IFNLR1: variants seen among roughly 807,000 people sequenced by gnomAD.
IFNLR1 encodes interferon lambda receptor 1.
Under a neutral mutation model 52.5 loss-of-function variants are expected in IFNLR1, and 28 were observed. The observed-to-expected ratio is 0.53, with a 90% confidence interval of 0.40 to 0.73. The LOEUF (loss-of-function observed/expected upper bound fraction) is 0.73. Among genes scored for constraint, IFNLR1 ranks in the 30% least tolerant of loss-of-function variants. The probability of loss-of-function intolerance (pLI) is 0.00; values close to 1 mark genes in which losing one functional copy is unlikely to be tolerated. For missense variants in IFNLR1, 623 were observed against 659.1 expected (o/e 0.95, Z 0.60); for synonymous variants, 276 against 274.9 (o/e 1.00, Z -0.04).
chr1:24,166,710 C>A (rs1042441392), intron 3 of IFNLR1, among the ~76,000 whole-genome samples: 6 of 147,004 alleles, frequency 4.1e-5, no homozygotes, highest in Admixed American at 6.9e-5. Flanking sequence ...CCGTACCCAG[C>A]GAATTTAATT....
intron 2 of IFNLR1, among the ~76,000 whole-genome samples, chr1:24,173,015 A>C (rs568895809): frequency 3.0e-4 from 46 of 152,084 alleles, no homozygotes; most frequent in Non-Finnish European, 5.7e-4. Flanking sequence ...CTCATCTCCA[A>C]ATAGTCACTT....
intron 3 of IFNLR1, among the ~76,000 whole-genome samples, chr1:24,162,866 T>TC (rs1246679590): frequency 9.5e-5 from 8 of 84,508 alleles, no homozygotes; most frequent in South Asian, 9.3e-4. Flanking sequence ...TTTCTTTCTT[T>TC]CTTTCTTTCT....
At chr1:24,185,722 T>A (rs999050125) in intron 1 of IFNLR1, among the ~76,000 whole-genome samples, 6 of 152,170 alleles carry the variant, frequency 3.9e-5, no homozygotes, top group Non-Finnish European at 5.9e-5. Flanking sequence ...TTGTAAGGTA[T>A]CCTATGGGCA....
At chr1:24,161,172 G>A (rs1392566684) in intron 4 of IFNLR1, among the ~76,000 whole-genome samples, 2 of 152,118 alleles carry the variant, frequency 1.3e-5, no homozygotes, top group African/African-American at 4.8e-5. Flanking sequence ...GGCCTTCTTC[G>A]GGAAAGTCTG....
At chr1:24,164,975 CT>C (rs1238070101) in intron 3 of IFNLR1, among the ~76,000 whole-genome samples, 1 of 152,114 alleles carries the variant, frequency 6.6e-6, no homozygotes, top group Non-Finnish European at 1.5e-5. Context: ...ATTGGCCAGG[CT>C]GGTCTCAAAC....
intron 3 of IFNLR1, among the ~76,000 whole-genome samples, chr1:24,167,016 G>C (rs557492729): frequency 1.3e-5 from 2 of 152,318 alleles, no homozygotes; most frequent in East Asian, 3.9e-4. Context: ...GTGATGATCT[G>C]TCCTCACCAG....
chr1:24,178,591 C>A (rs533885254), intron 2 of IFNLR1, among the ~76,000 whole-genome samples: 1 of 152,146 alleles, frequency 6.6e-6, no homozygotes, highest in Non-Finnish European at 1.5e-5. Flanking sequence ...TGATGAGACT[C>A]CCACTGGACA....
chr1:24,186,487 C>G (rs1192931555), intron 1 of IFNLR1, among the ~76,000 whole-genome samples: 2 of 152,034 alleles, frequency 1.3e-5, no homozygotes, highest in African/African-American at 4.8e-5. Context: ...TGGATTATGC[C>G]CAGGGACCTT....
At chr1:24,184,298 C>T (rs2148604995) in intron 1 of IFNLR1, among the ~76,000 whole-genome samples, 1 of 152,344 alleles carries the variant, frequency 6.6e-6, no homozygotes, top group East Asian at 1.9e-4. Flanking sequence ...CTTTCCCTGA[C>T]TCCCTTTAAC....
chr1:24,157,579 C>A lies in IFNLR1; in HGVS notation c.1114G>T (p.Ala372Ser), dbSNP rs1395183373. 3 of 1,611,414 alleles carry A rather than the reference C, an allele frequency of 1.9e-6. No homozygotes were observed. Among genetic ancestry groups the A allele is most frequent in the East Asian group, 2.2e-5 (1 of 44,858 alleles). The change falls in exon 7 of 7, where the codon GCT becomes TCT. Residue 372 changes from alanine to serine, a missense_variant. Ala to Ser is a moderately conservative substitution (Grantham distance 99). Transcript: ENST00000327535. This position sits in a 1 kb window ranked among gnomAD's most constrained non-coding sequence, Gnocchi z 5.1. Reference protein sequence around the residue: ...AGGVDSGRPRAPLVPSEGSSA... With the variant: ...AGGVDSGRPRSPLVPSEGSSA... ...GAGCCTTCGCTTGGGACCAGAGGAG[C>A]CCTGGGCCTCCCTGAGTCCACCCCA...
In IFNLR1 at chr1:24,156,819, C is replaced by T. The variant is rs989816843; in HGVS notation, c.*311G>A. The T allele has an allele frequency of 2.3e-5, 9 of 385,262 alleles. No individual in the cohort carries two copies. Among genetic ancestry groups the T allele is most frequent in the Admixed American group, 1.3e-4 (3 of 23,096 alleles). The allele number at this position is 385,262 out of a possible 1,614,324, so 23.9% of individuals were successfully genotyped here. The stretch of plus-strand genomic sequence containing the variant: ...CTGACCTCACCTGTTTCATGTTGTC[C>T]GGGGATAATTTTTCCCCCTGGCCTG... On this transcript the variant is annotated 3_prime_UTR_variant, in exon 7 of 7. Coordinates refer to ENST00000327535, the MANE Select transcript of IFNLR1 (RefSeq NM_170743.4).
chr1:24,158,602 G>A (rs1440792775), intron 6 of IFNLR1, among the ~76,000 whole-genome samples: 2 of 152,232 alleles, frequency 1.3e-5, no homozygotes, highest in South Asian at 4.1e-4. Flanking sequence ...GCCCCAGCTC[G>A]CCCCTAGGTT....
In IFNLR1 at chr1:24,157,406, T is replaced by C; in HGVS notation, c.1287A>G (p.Glu429=). The stretch of plus-strand genomic sequence containing the variant: ...CCAGGAAACCCGAGTCCTTGGAGAA[T>C]TCAGGTGGTGGGAGAGATTCTTGGT... The part of the protein sequence containing the change: ...DGHQESLPPP[E]FSKDSGFLEE... Residue 429 remains glutamate (E), a synonymous_variant, in exon 7 of 7, where the codon GAA becomes GAG. Coordinates refer to ENST00000327535, the MANE Select transcript of IFNLR1 (RefSeq NM_170743.4). This position sits in a 1 kb window ranked among gnomAD's most constrained non-coding sequence, Gnocchi z 5.1. 1.2e-6 allele frequency: 2 copies of C among 1,614,112 alleles called. No homozygotes were observed. Among genetic ancestry groups the C allele is most frequent in the Non-Finnish European group, 1.7e-6 (2 of 1,180,006 alleles).
In IFNLR1 at chr1:24,157,677, C is replaced by A; in HGVS notation, c.1016G>T (p.Ser339Ile). The A allele has an allele frequency of 1.2e-6, 2 of 1,612,964 alleles. No individual in the cohort carries two copies. The highest frequency in any genetic ancestry group is 1.7e-6 in the Non-Finnish European group (2 of 1,179,498). ...EDEEDTEDGV[S>I]FQPYIEPPSF... ...AGGTGGTTCAATGTAGGGCTGGAAGCTGACGCCATCTTCTGTGTCCTCCTC... is the reference window on the plus strand; with the variant it reads ...AGGTGGTTCAATGTAGGGCTGGAAGATGACGCCATCTTCTGTGTCCTCCTC... Residue 339 changes from serine to isoleucine, a missense_variant, in exon 7 of 7, where the codon AGC (serine) becomes ATC (isoleucine). Transcript: ENST00000327535. This position sits in a 1 kb window ranked among gnomAD's most constrained non-coding sequence, Gnocchi z 5.1.
intron 6 of IFNLR1, 88 bp downstream of exon 6, chr1:24,158,964 T>C: frequency 7.4e-7 from 1 of 1,344,326 alleles, no homozygotes; most frequent in Non-Finnish European, 1.0e-6. Flanking sequence ...ACCATCTTGA[T>C]ATTCTATCTG....
chr1:24,159,124 G>A lies in IFNLR1; in HGVS notation c.729C>T (p.Ala243=), dbSNP rs574516768. 3.0e-5 allele frequency: 48 copies of A among 1,614,074 alleles called. No individual in the cohort carries two copies. The highest frequency in any genetic ancestry group is 3.3e-4 in the Middle Eastern group (2 of 6,062). ...PSLLILLLVI[A]AGGVIWKTLM... ...GGGTCTTCCAGATCACACCCCCTGC[G>A]GCAATTACTAACAGCAGTATCAGAA... Residue 243 remains alanine, a synonymous_variant, in exon 6 of 7, where the codon GCC becomes GCT. Transcript: ENST00000327535.
chr1:24,162,790 TTC>T (rs1557643993), intron 3 of IFNLR1, among the ~76,000 whole-genome samples: 1,822 of 87,494 alleles, frequency 0.021, 184 homozygotes, highest in Non-Finnish European at 0.026. Context: ...TTCTTTCTTT[TTC>T]TTTCTTTCTT....
intron 4 of IFNLR1, 93 bp from the exon 5 acceptor site, chr1:24,159,726 G>GTTTTTTTTTTTTTGTTTTT: frequency 1.4e-5 from 11 of 761,898 alleles, no homozygotes; most frequent in East Asian, 3.1e-5. Flanking sequence ...ATGGTAGGGT[G>GTTTTTTTTTTTTTGTTTTT]TTTTTTTTTT....
intron 2 of IFNLR1, among the ~76,000 whole-genome samples, chr1:24,176,617 T>C (rs746374715): frequency 1.4e-4 from 22 of 152,278 alleles, no homozygotes; most frequent in Non-Finnish European, 2.5e-4. Flanking sequence ...GAAAAATAAA[T>C]GTAACCAAGA....
Sources: allele counts gnomAD v4.1 joint callset (sites outside exome capture counted in the v4.1 genomes callset), GRCh38; gene constraint gnomAD v4.1.1; non-coding constraint Gnocchi (gnomAD v3.1); transcripts MANE v1.5; gene names NCBI Gene and HGNC (gene_info 2026-07-23, HGNC 2026-07-21).